Variants in GABRA5 observed in about 807,000 individuals in gnomAD.
GABRA5 encodes the protein gamma-aminobutyric acid type A receptor subunit alpha5.
Under a neutral mutation model 47.3 loss-of-function variants are expected in GABRA5, and 18 were observed. That is an observed-to-expected ratio of 0.38 (90% CI 0.26 to 0.56). The LOEUF (loss-of-function observed/expected upper bound fraction) is 0.56, where lower values mean the gene tolerates loss of function less well. Ranked by LOEUF, GABRA5 falls within the 20% of genes least tolerant of loss-of-function variation. The pLI is 0.71. For synonymous variants in GABRA5, 237 were observed against 229.3 expected, an observed-to-expected ratio of 1.03 and a Z score of -0.30; for missense variants, 365 against 599.3, an observed-to-expected ratio of 0.61 and a Z score of 4.08.
intron 7 of GABRA5, among the ~76,000 whole-genome samples, chr15:26,920,962 A>G (rs949431995): frequency 3.9e-5 from 6 of 152,230 alleles, no homozygotes; most frequent in African/African-American, 9.6e-5. Flanking sequence ...TTAGCCAGTT[A>G]AAATGGTGGG....
At chr15:26,912,052 C>T (rs946768869) in intron 6 of GABRA5, among the ~76,000 whole-genome samples, 3 of 152,136 alleles carry the variant, frequency 2.0e-5, no homozygotes, top group African/African-American at 7.2e-5. Flanking sequence ...GAAACGCCCT[C>T]CCCTCCACCC....
chr15:26,939,869 G>T, intron 8 of GABRA5, 56 bp from the exon 9 acceptor site: 2 of 1,590,180 alleles, frequency 1.3e-6, no homozygotes, highest in Non-Finnish European at 1.7e-6. Flanking sequence ...GAACTCCTTG[G>T]ATGCAGCAAG....
rs1199812730 is a variant in GABRA5, at chr15:26,947,962, C to T, written c.1118C>T (p.Ser373Leu). The T allele has an allele frequency of 1.9e-6, 3 of 1,586,382 alleles. No homozygotes were observed. The highest frequency in any genetic ancestry group is 2.6e-6 in the Non-Finnish European group (3 of 1,165,578). The part of the protein sequence containing the change: ...KKKREVILNK[S>L]TNAFTTGKMS... ...AAGCGTGAAGTCATACTAAATAAGT[C>T]AACAAACGCTTTTACAACTGGGAAG... Residue 373 changes from serine to leucine, a missense_variant, in exon 11 of 11, where the codon TCA (serine) becomes TTA (leucine). Coordinates refer to ENST00000335625, the MANE Select transcript of GABRA5 (RefSeq NM_000810.4).
At chr15:26,939,259 C>A (rs1304603905) in intron 8 of GABRA5, 1 of 765,348 alleles carries the variant, frequency 1.3e-6, no homozygotes, top group Non-Finnish European at 2.4e-6. Flanking sequence ...AGGACGGCAT[C>A]ATTCTCAGCA....
At chr15:26,933,851 T>C (rs2140572622) in intron 7 of GABRA5, among the ~76,000 whole-genome samples, 1 of 152,296 alleles carries the variant, frequency 6.6e-6, no homozygotes, top group East Asian at 1.9e-4. Flanking sequence ...AGAGATAACA[T>C]GTCTTTATCT....
chr15:26,913,999 A>G (rs1893662476), intron 6 of GABRA5, among the ~76,000 whole-genome samples: 1 of 152,118 alleles, frequency 6.6e-6, no homozygotes, highest in Non-Finnish European at 1.5e-5. Context: ...TGGTTATAGC[A>G]CCAGATCTCC....
intron 7 of GABRA5, among the ~76,000 whole-genome samples, chr15:26,934,117 T>C (rs1032311518): frequency 6.6e-6 from 1 of 151,610 alleles, no homozygotes; most frequent in East Asian, 1.9e-4. Context: ...CCAGGCATGG[T>C]GGCAGGTACC....
At chr15:26,887,078 G>A (rs1482073299) in intron 6 of GABRA5, among the ~76,000 whole-genome samples, 1 of 152,160 alleles carries the variant, frequency 6.6e-6, no homozygotes, top group South Asian at 2.1e-4. Context: ...GTCATGGAAA[G>A]CCAATGGTAT....
chr15:26,873,961 C>T (rs563920968), intron 3 of GABRA5, among the ~76,000 whole-genome samples: 23 of 152,276 alleles, frequency 1.5e-4, no homozygotes, highest in Non-Finnish European at 2.5e-4. Context: ...GTAAATAATT[C>T]TCAGTTATCT....
chr15:26,915,562 A>G (rs1893699445), intron 7 of GABRA5, among the ~76,000 whole-genome samples: 1 of 152,198 alleles, frequency 6.6e-6, no homozygotes, highest in South Asian at 2.1e-4. Flanking sequence ...TACTGTGACA[A>G]TTAGAATGTT....
intron 10 of GABRA5, among the ~76,000 whole-genome samples, chr15:26,943,799 A>G (rs985759014): frequency 1.3e-5 from 2 of 152,160 alleles, no homozygotes; most frequent in Non-Finnish European, 2.9e-5. Context: ...GGGGGCACCA[A>G]TGTAATGGAA....
intron 7 of GABRA5, among the ~76,000 whole-genome samples, chr15:26,936,724 G>A (rs1203066175): frequency 1.3e-5 from 2 of 152,192 alleles, no homozygotes; most frequent in African/African-American, 2.4e-5. Flanking sequence ...GCGGCCGGGC[G>A]CTGCTTCAGG....
chr15:26,915,100 A>G (rs1312164416), intron 7 of GABRA5, among the ~76,000 whole-genome samples: 1 of 152,200 alleles, frequency 6.6e-6, no homozygotes, highest in Non-Finnish European at 1.5e-5. Context: ...AGGATAAACT[A>G]TGACAATGCC....
At chr15:26,871,358 G>C (rs1418237276) in intron 3 of GABRA5, among the ~76,000 whole-genome samples, 3 of 152,194 alleles carry the variant, frequency 2.0e-5, no homozygotes, top group Non-Finnish European at 4.4e-5. Flanking sequence ...AAGCAGGTAT[G>C]CTTTCTTATT....
rs564062933 is a variant in GABRA5, at chr15:26,936,131, C to T, written c.581-1054C>T. Among the ~76,000 whole-genome samples, 30 of 152,272 alleles carry T rather than the reference C, an allele frequency of 2.0e-4. No homozygotes were observed. The East Asian group carries it at 5.8e-3, about 29-fold the overall frequency. The stretch of plus-strand genomic sequence containing the variant: ...TGCTCGCACTCATTCTCTCTTCTGC[C>T]ACCCTGTGAAGAGGTGCCTTCCGCC... On this transcript the variant is annotated intron_variant, in intron 7 of 10. Coordinates refer to ENST00000335625, the MANE Select transcript of GABRA5 (RefSeq NM_000810.4).
rs372961350 is a variant in GABRA5 at position 26,902,246 on chromosome 15, C to T, written c.498-12557C>T. On this transcript the variant is annotated intron_variant, in intron 6 of 10. Transcript: ENST00000335625. ...AGATTGAGTTGAGAGGAACTGAAAT[C>T]TTGACAATATTGAGTATTCCTATGA... Among the ~76,000 whole-genome samples, 4 of 152,196 alleles carry T rather than the reference C, an allele frequency of 2.6e-5. No individual in the cohort carries two copies. The East Asian group carries it at 7.7e-4, about 29-fold the overall frequency.
chr15:26,914,748 AG>A, intron 6 of GABRA5, 54 bp from the exon 7 acceptor site: 1 of 1,355,022 alleles, frequency 7.4e-7, no homozygotes, highest in Non-Finnish European at 1.1e-6. Context: ...ATGGTGGCTC[AG>A]TGAATGGCTA....
chr15:26,911,404 C>A (rs1469293744), intron 6 of GABRA5, among the ~76,000 whole-genome samples: 1 of 150,072 alleles, frequency 6.7e-6, no homozygotes, highest in Non-Finnish European at 1.5e-5. Flanking sequence ...CACAAACACA[C>A]ACACTCCTGC....
intron 7 of GABRA5, among the ~76,000 whole-genome samples, chr15:26,916,151 C>A (rs1157566005): frequency 6.6e-6 from 1 of 151,996 alleles, no homozygotes; most frequent in Non-Finnish European, 1.5e-5. Flanking sequence ...CATTATATAT[C>A]CAAGTTGAAA....
Sources: allele counts gnomAD v4.1 joint callset (sites outside exome capture counted in the v4.1 genomes callset), GRCh38; gene constraint gnomAD v4.1.1; transcripts MANE v1.5; gene names NCBI Gene and HGNC (gene_info 2026-07-23, HGNC 2026-07-21).